Variants in KCNMA1 observed in about 807,000 individuals in gnomAD.
The protein encoded by KCNMA1 is potassium calcium-activated channel subfamily M alpha 1.
A neutral mutation model predicts 140.0 loss-of-function variants in KCNMA1; 29 were observed. The observed-to-expected ratio is 0.21, with a 90% CI of 0.15 to 0.28. The LOEUF (loss-of-function observed/expected upper bound fraction) is 0.28, where lower values mean the gene tolerates loss of function less well. KCNMA1 is among the 10% of genes least tolerant of loss of function. The pLI is 1.00. For synonymous variants in KCNMA1, 612 were observed against 611.9 expected, an observed-to-expected ratio of 1.00 and a Z score of 0.00; for missense variants, 880 against 1,602.2, an observed-to-expected ratio of 0.55 and a Z score of 7.70.
intron 3 of KCNMA1, among the ~76,000 whole-genome samples, chr10:77,187,060 T>A (rs546171581): frequency 1.6e-4 from 25 of 152,176 alleles, no homozygotes; most frequent in Non-Finnish European, 2.6e-4. Context: ...ATTGGTGGAG[T>A]TACTGGTGGC....
At chr10:76,961,740 T>C (rs1031301585) in intron 20 of KCNMA1, among the ~76,000 whole-genome samples, 8 of 152,298 alleles carry the variant, frequency 5.3e-5, no homozygotes, top group African/African-American at 1.4e-4. Context: ...CAAGACCCTC[T>C]ACCAGAAAGA....
At chr10:77,209,315 G>C (rs2045220385) in intron 3 of KCNMA1, among the ~76,000 whole-genome samples, 1 of 152,074 alleles carries the variant, frequency 6.6e-6, no homozygotes, top group Non-Finnish European at 1.5e-5. Flanking sequence ...ATTCTTATAG[G>C]CACCTCAGAT....
intron 1 of KCNMA1, chr10:77,636,643 ACC>A (rs35528388): frequency 6.5e-7 from 1 of 1,535,942 alleles, no homozygotes; most frequent in Non-Finnish European, 8.7e-7. Context: ...CCCGTGGGCT[ACC>A]CCCAATAGTG....
chr10:76,941,018 G>GAAGGAAGGAAGGAAGAAAGAAAGAAAGA (rs1554960623), intron 23 of KCNMA1, among the ~76,000 whole-genome samples: 27 of 38,234 alleles, frequency 7.1e-4, no homozygotes, highest in African/African-American at 1.7e-3. Context: ...AGGAAGGAAG[G>GAAGGAAGGAAGGAAGAAAGAAAGAAAGA]AAGAAAGAAA....
chr10:76,889,641 C>T lies in KCNMA1; in HGVS notation c.3343-72G>A, dbSNP rs2288840. The T allele has an allele frequency of 0.66, 818,973 of 1,233,774 alleles. 275,239 individuals are homozygous for T. Among genetic ancestry groups the T allele is most frequent in the Non-Finnish European group, 0.69 (580,842 of 836,230 alleles). 76.4% of individuals were successfully genotyped at this position (1,233,774 alleles called of 1,614,324 possible). ...TGAAAATCAAGGGACAGCAGGGAAACGGGTCTTTTCATCAAAGCTTGTTTT... is the reference window on the plus strand; with the variant it reads ...TGAAAATCAAGGGACAGCAGGGAAATGGGTCTTTTCATCAAAGCTTGTTTT... On this transcript the variant is annotated intron_variant, in intron 26 of 27. Coordinates refer to ENST00000286628, the MANE Select transcript of KCNMA1 (RefSeq NM_001161352.2).
chr10:77,139,245 A>G (rs1354322883), intron 5 of KCNMA1, among the ~76,000 whole-genome samples: 1 of 152,228 alleles, frequency 6.6e-6, no homozygotes, highest in African/African-American at 2.4e-5. Flanking sequence ...CCTTAGCTTA[A>G]TAATTCCATC....
At chr10:77,123,149 C>T (rs1415499348) in intron 5 of KCNMA1, among the ~76,000 whole-genome samples, 1 of 131,408 alleles carries the variant, frequency 7.6e-6, no homozygotes, top group Non-Finnish European at 1.5e-5. Flanking sequence ...CACTGCACTC[C>T]AGCCTGGGCG....
chr10:77,305,818 C>G (rs2077565893), intron 2 of KCNMA1, among the ~76,000 whole-genome samples: 1 of 152,188 alleles, frequency 6.6e-6, no homozygotes, highest in Admixed American at 6.5e-5. Flanking sequence ...AGTCCTGAGG[C>G]TCTGCGCAAA....
downstream of KCNMA1, chr10:76,875,064 T>C (rs2032109335): frequency 6.6e-6 from 1 of 152,300 alleles, no homozygotes; most frequent in Admixed American, 6.5e-5. Flanking sequence ...TGGATGGGAC[T>C]CAGGGCCAAA....
chr10:76,916,510 G>A (rs922769738), intron 23 of KCNMA1, among the ~76,000 whole-genome samples: 20 of 152,188 alleles, frequency 1.3e-4, no homozygotes, highest in African/African-American at 4.3e-4. Context: ...GCAGCTCCAC[G>A]CAAGTGGCAA....
At chr10:77,193,952 C>A (rs1156865141) in intron 3 of KCNMA1, among the ~76,000 whole-genome samples, 1 of 152,162 alleles carries the variant, frequency 6.6e-6, no homozygotes, top group Non-Finnish European at 1.5e-5. Flanking sequence ...CTACATTCTG[C>A]TTCCTATGCC....
At chr10:77,616,379 G>A (rs1352822933) in intron 1 of KCNMA1, among the ~76,000 whole-genome samples, 1 of 152,210 alleles carries the variant, frequency 6.6e-6, no homozygotes, top group Non-Finnish European at 1.5e-5. Flanking sequence ...CCAAATGAAA[G>A]TAACAGTAAT....
At position 77,429,597 on chromosome 10, in the gene KCNMA1, T is replaced by C. The variant is rs745337760; in HGVS notation, c.379-25574A>G. Among the ~76,000 whole-genome samples, 87 of 152,208 alleles carry C rather than the reference T, an allele frequency of 5.7e-4. 1 individual carries two copies. The highest frequency in any genetic ancestry group is 3.7e-4 in the Non-Finnish European group (25 of 68,040). On this transcript the variant is annotated intron_variant, in intron 1 of 27. Coordinates refer to ENST00000286628, the MANE Select transcript of KCNMA1 (RefSeq NM_001161352.2). ...ACTAAGTTTGAGAATCACTGCATAT[T>C]GTACCCTCTTTTGGAAATTCCCCAT...
At chr10:77,534,803 G>A (rs2058488292) in intron 1 of KCNMA1, among the ~76,000 whole-genome samples, 1 of 152,164 alleles carries the variant, frequency 6.6e-6, no homozygotes, top group African/African-American at 2.4e-5. Context: ...TTTGATCAAT[G>A]TTCTTTCTGT....
chr10:77,500,260 A>G (rs1005218606), intron 1 of KCNMA1, among the ~76,000 whole-genome samples: 3 of 150,722 alleles, frequency 2.0e-5, no homozygotes, highest in African/African-American at 7.3e-5. Context: ...GCAATAATAT[A>G]TAATAAATAA....
At chr10:77,502,845 A>G (rs948882629) in intron 1 of KCNMA1, among the ~76,000 whole-genome samples, 1 of 152,268 alleles carries the variant, frequency 6.6e-6, no homozygotes, top group Non-Finnish European at 1.5e-5. Flanking sequence ...CACCCACAAT[A>G]GATACCGAAC....
chr10:77,093,591 G>T (rs1462377796), intron 9 of KCNMA1, among the ~76,000 whole-genome samples: 2 of 152,218 alleles, frequency 1.3e-5, no homozygotes, highest in Non-Finnish European at 2.9e-5. Flanking sequence ...CCCTGCAAGA[G>T]CATGAGGGAT....
chr10:77,134,364 G>A (rs2097930121), intron 5 of KCNMA1, among the ~76,000 whole-genome samples: 1 of 147,802 alleles, frequency 6.8e-6, no homozygotes, highest in African/African-American at 2.5e-5. Context: ...TTTATCATTA[G>A]TTGATAAGTA....
At chr10:76,957,870 C>T (rs565596779) in intron 20 of KCNMA1, among the ~76,000 whole-genome samples, 13 of 152,318 alleles carry the variant, frequency 8.5e-5, no homozygotes, top group South Asian at 2.1e-4. Flanking sequence ...GAACACAATT[C>T]GTTCCAGCAA....
Sources: gnomAD v4.1 joint callset for allele counts (sites outside exome capture counted in the v4.1 genomes callset) on GRCh38, gnomAD v4.1.1 for gene constraint, MANE v1.5 for transcripts, NCBI Gene and HGNC (gene_info 2026-07-23, HGNC 2026-07-21) for gene names.